Variants in ARHGEF26 observed in about 807,000 individuals in gnomAD.
ARHGEF26 encodes Rho guanine nucleotide exchange factor 26.
Under a neutral mutation model 89.4 loss-of-function variants are expected in ARHGEF26, and 59 were observed. The ratio of observed to expected loss-of-function variants is 0.66; its 90% CI spans 0.54 to 0.82. ARHGEF26 has a LOEUF of 0.82. ARHGEF26 is among the 40% of genes least tolerant of loss of function. The pLI is 0.00. For synonymous variants in ARHGEF26, 500 were observed against 428.4 expected, an observed-to-expected ratio of 1.17 and a Z score of -2.06; for missense variants, 1,234 against 1,085.6, an observed-to-expected ratio of 1.14 and a Z score of -1.92.
In ARHGEF26 at chr3:154,234,685, T is replaced by G. The variant is rs112356276; in HGVS notation, c.2091-5685T>G. ...GCAAACCCACTATTCTGCTTCACAA[T>G]TCATCAGTCAACTCGTGCCCTTGTC... On this transcript the variant is annotated intron_variant, in intron 11 of 14. Coordinates refer to ENST00000465093, the MANE Select transcript of ARHGEF26 (RefSeq NM_015595.4). 5.9e-3 allele frequency among the ~76,000 whole-genome samples: 892 copies of G among 152,318 alleles called. 7 individuals are homozygous for G. The highest frequency in any genetic ancestry group is 0.02 in the African/African-American group (828 of 41,570).
At chr3:154,151,760 C>T (rs1027485937) in intron 5 of ARHGEF26, among the ~76,000 whole-genome samples, 1 of 152,130 alleles carries the variant, frequency 6.6e-6, no homozygotes, top group Non-Finnish European at 1.5e-5. Context: ...ATGGAGCACC[C>T]ATCAGCAGCT....
Position 154,256,847 on chromosome 3 carries a change from GAACTT to G in ARHGEF26, c.*1375_*1379del. The G allele has an allele frequency of 6.5e-7, 1 of 1,532,222 alleles. No homozygotes were observed. The highest frequency in any genetic ancestry group is 8.7e-7 in the Non-Finnish European group (1 of 1,145,496). The allele number at this position is 1,532,222 out of a possible 1,614,324, so 94.9% of individuals were successfully genotyped here. ...TCCCTCTTAACTGTGAGTTTCTATAGAACTTTACTTTTTCCACTAGTGCACAGAGA... is the reference window on the plus strand; with the variant it reads ...TCCCTCTTAACTGTGAGTTTCTATAGTACTTTTTCCACTAGTGCACAGAGA... On this transcript the variant is annotated 3_prime_UTR_variant, in exon 15 of 15. Transcript: ENST00000465093.
chr3:154,153,433 A>G (rs1720143890), intron 6 of ARHGEF26, among the ~76,000 whole-genome samples: 2 of 152,050 alleles, frequency 1.3e-5, no homozygotes, highest in Admixed American at 1.3e-4. Flanking sequence ...AAAATTTTCC[A>G]TATTTACTTA....
chr3:154,173,534 A>G (rs962329471), intron 6 of ARHGEF26, among the ~76,000 whole-genome samples: 6 of 152,226 alleles, frequency 3.9e-5, no homozygotes, highest in African/African-American at 7.2e-5. Context: ...TTTTACAACC[A>G]TACATTTGTC....
intron 4 of ARHGEF26, among the ~76,000 whole-genome samples, chr3:154,148,669 C>T (rs970715935): frequency 1.3e-5 from 2 of 152,180 alleles, no homozygotes; most frequent in African/African-American, 2.4e-5. Flanking sequence ...CCTGTATATC[C>T]ATCTGCCGGA....
At chr3:154,178,916 C>T (rs149676474) in intron 6 of ARHGEF26, among the ~76,000 whole-genome samples, 69 of 152,280 alleles carry the variant, frequency 4.5e-4, no homozygotes, top group African/African-American at 1.7e-3. Flanking sequence ...TCCAGGGTTA[C>T]TTTCCTAAAA....
At chr3:154,253,231 G>A (rs751115572) in intron 13 of ARHGEF26, 48 bp downstream of exon 13, 64 of 1,602,460 alleles carry the variant, frequency 4.0e-5, no homozygotes, top group Non-Finnish European at 5.0e-5. Flanking sequence ...GATGGGCTCT[G>A]CCCCCTGCTG....
In ARHGEF26 at chr3:154,152,873, T is replaced by C; in HGVS notation, c.1428T>C (p.Thr476=). The part of the protein sequence containing the change: ...KNSKELSDTM[T]KTERHHLFSN... Reference sequence around the variant, plus strand: ...CTAAAGAACTGAGTGATACAATGACTAAAACCGAGAGGCACCATCTTTTCT... The same window carrying C: ...CTAAAGAACTGAGTGATACAATGACCAAAACCGAGAGGCACCATCTTTTCT... Residue 476 remains threonine (T), a synonymous_variant, in exon 6 of 15, where the codon ACT becomes ACC. Coordinates refer to ENST00000465093, the MANE Select transcript of ARHGEF26 (RefSeq NM_015595.4). 1.9e-6 allele frequency: 3 copies of C among 1,597,804 alleles called. No individual in the cohort carries two copies. Among genetic ancestry groups the C allele is most frequent in the Non-Finnish European group, 2.6e-6 (3 of 1,171,940 alleles).
intron 11 of ARHGEF26, among the ~76,000 whole-genome samples, chr3:154,233,864 T>G (rs1402307978): frequency 1.3e-5 from 2 of 152,222 alleles, no homozygotes; most frequent in Non-Finnish European, 2.9e-5. Flanking sequence ...CAGGAAACAT[T>G]TGTTGTGGCA....
chr3:154,230,024 T>G (rs1232582135), intron 11 of ARHGEF26, among the ~76,000 whole-genome samples: 2 of 152,214 alleles, frequency 1.3e-5, no homozygotes, highest in Non-Finnish European at 2.9e-5. Context: ...GTTCCTAGTT[T>G]TGAAATACAA....
At chr3:154,224,015 C>CTATTTCAGTACTATTTAGGATAG (rs1215794117) in intron 10 of ARHGEF26, among the ~76,000 whole-genome samples, 1 of 151,918 alleles carries the variant, frequency 6.6e-6, no homozygotes, top group Non-Finnish European at 1.5e-5. Flanking sequence ...TAGGCACAGA[C>CTATTTCAGTACTATTTAGGATAG]TATTTCAGTA....
At position 154,122,090 on chromosome 3, in the gene ARHGEF26, G is replaced by A; in HGVS notation, c.98G>A (p.Ser33Asn). 6.2e-7 allele frequency: 1 copy of A among 1,611,418 alleles called. No homozygotes were observed. ...CAGCCCCACCAGGTTCTGGGCCGGA[G>A]CAAGCCGAGGCCCCAGTCCTACCAG... Reference protein sequence around the residue: ...IPQPHQVLGRSKPRPQSYQSP... With the variant: ...IPQPHQVLGRNKPRPQSYQSP... Residue 33 changes from serine (S) to asparagine (N), a missense_variant, in exon 2 of 15, where the codon AGC becomes AAC. By Grantham distance (46) the Ser-to-Asn change is conservative (BLOSUM62 1). Coordinates refer to ENST00000465093, the MANE Select transcript of ARHGEF26 (RefSeq NM_015595.4).
Position 154,254,704 on chromosome 3 carries a change from C to T in ARHGEF26, c.2369-16C>T. 6.2e-7 allele frequency: 1 copy of T among 1,607,362 alleles called. No individual in the cohort carries two copies. Among genetic ancestry groups the T allele is most frequent in the Non-Finnish European group, 8.5e-7 (1 of 1,174,546 alleles). ...CTCTGCTACTGGAAACTTAGTATGT[C>T]CTCTTTTGGCCTCAGCACTGACCCA... On this transcript the variant is annotated splice_polypyrimidine_tract_variant and intron_variant, in intron 13 of 14. Transcript: ENST00000465093.
intron 6 of ARHGEF26, among the ~76,000 whole-genome samples, chr3:154,167,477 T>A (rs1712117772): frequency 6.6e-6 from 1 of 152,186 alleles, no homozygotes; most frequent in Admixed American, 6.5e-5. Flanking sequence ...TTATCAGATG[T>A]TTTAATTCAA....
intron 9 of ARHGEF26, among the ~76,000 whole-genome samples, chr3:154,197,420 GTTTGC>G (rs1407551583): frequency 2.6e-5 from 4 of 152,104 alleles, no homozygotes; most frequent in Non-Finnish European, 5.9e-5. Context: ...AACTACACTT[GTTTGC>G]TTTATCAGAG....
At chr3:154,127,941 T>C (rs963486510) in intron 3 of ARHGEF26, among the ~76,000 whole-genome samples, 2 of 152,168 alleles carry the variant, frequency 1.3e-5, no homozygotes, top group African/African-American at 4.8e-5. Context: ...GTATTATGTT[T>C]CCTCTTATGT....
intron 10 of ARHGEF26, among the ~76,000 whole-genome samples, chr3:154,219,775 G>C (rs996891774): frequency 2.6e-5 from 4 of 151,858 alleles, no homozygotes; most frequent in African/African-American, 9.7e-5. Context: ...TTAGCCGGGC[G>C]TGGTGGCGGG....
intron 6 of ARHGEF26, among the ~76,000 whole-genome samples, chr3:154,182,068 A>G (rs1452711840): frequency 6.6e-6 from 1 of 151,686 alleles, no homozygotes; most frequent in African/African-American, 2.4e-5. Flanking sequence ...CACACACAAT[A>G]TATATATACA....
rs946996477 is a variant in ARHGEF26, at chr3:154,246,197, G to A, written c.2300+5618G>A. 2.0e-5 allele frequency among the ~76,000 whole-genome samples: 3 copies of A among 152,286 alleles called. 1 individual carries two copies. The South Asian group carries it at 6.2e-4, about 32-fold the overall frequency. The stretch of plus-strand genomic sequence containing the variant: ...AAGAGGTGATATTTGAGCCTTGAGT[G>A]AAAAGGAGGAGTCAACCCTTAGGAA... On this transcript the variant is annotated intron_variant, in intron 12 of 14. Coordinates refer to ENST00000465093, the MANE Select transcript of ARHGEF26 (RefSeq NM_015595.4).
Sources: allele counts gnomAD v4.1 joint callset (sites outside exome capture counted in the v4.1 genomes callset), GRCh38; gene constraint gnomAD v4.1.1; transcripts MANE v1.5; gene names NCBI Gene and HGNC (gene_info 2026-07-23, HGNC 2026-07-21).